Variants in CSMD1 observed in about 807,000 individuals in gnomAD.
The protein encoded by CSMD1 is CUB and Sushi multiple domains 1.
In CSMD1, 213 loss-of-function variants were observed where a neutral mutation model predicts 417.5. That is an observed-to-expected ratio of 0.51 (90% CI 0.46 to 0.57). The LOEUF (loss-of-function observed/expected upper bound fraction) is 0.57. Ranked by LOEUF, CSMD1 falls within the 20% of genes least tolerant of loss-of-function variation. The probability of loss-of-function intolerance (pLI) is 0.00; values close to 1 mark genes in which losing one functional copy is unlikely to be tolerated. For synonymous variants in CSMD1, 2,862 were observed against 1,736.8 expected (o/e 1.65, Z -16.11); for missense variants, 6,923 against 4,529.7 (o/e 1.53, Z -15.17).
At chr8:3,009,799 G>C (rs1024352279) in intron 52 of CSMD1, among the ~76,000 whole-genome samples, 2 of 152,188 alleles carry the variant, frequency 1.3e-5, no homozygotes, top group East Asian at 3.9e-4. Flanking sequence ...TGTGCTGTTT[G>C]TGACAGCATC....
chr8:4,139,350 TG>T (rs1803635846), intron 3 of CSMD1, among the ~76,000 whole-genome samples: 1 of 152,216 alleles, frequency 6.6e-6, no homozygotes, highest in African/African-American at 2.4e-5. Flanking sequence ...GAAAATTTTT[TG>T]ACCAGGTAGA....
intron 3 of CSMD1, among the ~76,000 whole-genome samples, chr8:4,144,742 G>C (rs1158968784): frequency 6.0e-5 from 9 of 151,072 alleles, no homozygotes; most frequent in African/African-American, 1.7e-4. Context: ...CAACTTTCTA[G>C]AGACTTCTCA....
intron 5 of CSMD1, among the ~76,000 whole-genome samples, chr8:3,894,047 A>G (rs1160697187): frequency 6.6e-6 from 1 of 152,078 alleles, no homozygotes; most frequent in Admixed American, 6.6e-5. Flanking sequence ...AGTGCTGGTC[A>G]TTGCTGCCAC....
intron 67 of CSMD1, among the ~76,000 whole-genome samples, chr8:2,949,969 G>A (rs755047799): frequency 2.0e-5 from 3 of 152,172 alleles, no homozygotes; most frequent in Non-Finnish European, 2.9e-5. Context: ...ATAGACCCTG[G>A]ATTTCAGGTC....
intron 5 of CSMD1, among the ~76,000 whole-genome samples, chr8:3,963,138 G>T (rs1009691463): frequency 3.9e-5 from 6 of 152,024 alleles, no homozygotes; most frequent in Non-Finnish European, 8.8e-5. Context: ...TACCATGTTG[G>T]CTAGGCTTGA....
chr8:4,264,604 A>C (rs948397250), intron 3 of CSMD1, among the ~76,000 whole-genome samples: 3 of 152,154 alleles, frequency 2.0e-5, no homozygotes, highest in African/African-American at 7.2e-5. Context: ...GTTCTAGGGT[A>C]GATAGCAGTA....
At chr8:4,066,821 C>G (rs943060185) in intron 3 of CSMD1, among the ~76,000 whole-genome samples, 5 of 152,212 alleles carry the variant, frequency 3.3e-5, no homozygotes, top group African/African-American at 4.8e-5. Context: ...GCGAAAGCGA[C>G]AACACCCACT....
intron 1 of CSMD1, among the ~76,000 whole-genome samples, chr8:4,915,230 A>AT (rs552566525): frequency 0.076 from 11,633 of 152,086 alleles, 521 homozygotes; most frequent in Non-Finnish European, 0.081. Flanking sequence ...CATATATATA[A>AT]AATATGTATA....
At chr8:4,408,731 G>A (rs991865031) in intron 3 of CSMD1, among the ~76,000 whole-genome samples, 1 of 152,114 alleles carries the variant, frequency 6.6e-6, no homozygotes, top group African/African-American at 2.4e-5. Context: ...GAACCTTGTA[G>A]AGGTCAACAG....
At chr8:4,075,264 TATAAA>T (rs1315765558) in intron 3 of CSMD1, among the ~76,000 whole-genome samples, 2 of 152,144 alleles carry the variant, frequency 1.3e-5, no homozygotes, top group Non-Finnish European at 2.9e-5. Context: ...AACAAAGTAT[TATAAA>T]ATAAAGATGA....
chr8:4,042,815 T>TAAAAAAAAAAAAAAAAAAAAAAA lies in CSMD1; in HGVS notation c.416-10739_416-10717dup, dbSNP rs60411612. Among the ~76,000 whole-genome samples the TAAAAAAAAAAAAAAAAAAAAAAA allele has an allele frequency of 3.9e-4, 16 of 41,312 alleles. 4 individuals carry two copies. Among genetic ancestry groups the TAAAAAAAAAAAAAAAAAAAAAAA allele is most frequent in the African/African-American group, 5.8e-4 (6 of 10,346 alleles). 27.1% of individuals were successfully genotyped at this position (41,312 alleles called of 152,430 possible). ...CAATAGGTGAAGTGGTACAACATAT[T>TAAAAAAAAAAAAAAAAAAAAAAA]AAAAAAAAAAAAAAAAAAAAAAAAA... is the stretch of plus-strand genomic sequence containing the variant. On this transcript the variant is annotated intron_variant, in intron 3 of 69. Coordinates refer to ENST00000635120, the MANE Select transcript of CSMD1 (RefSeq NM_033225.6).
At chr8:4,420,979 T>C (rs1483659948) in intron 2 of CSMD1, among the ~76,000 whole-genome samples, 4 of 152,178 alleles carry the variant, frequency 2.6e-5, no homozygotes, top group African/African-American at 4.8e-5. Flanking sequence ...AACTCTCAAA[T>C]TGTATTCATC....
intron 3 of CSMD1, among the ~76,000 whole-genome samples, chr8:4,072,873 A>T (rs1013620112): frequency 6.6e-6 from 1 of 152,170 alleles, no homozygotes; most frequent in Non-Finnish European, 1.5e-5. Context: ...AAATAAACCC[A>T]ACCTCTATGT....
chr8:3,832,489 C>T (rs10111740), intron 5 of CSMD1, among the ~76,000 whole-genome samples: 52,031 of 151,652 alleles, frequency 0.34, 9,115 homozygotes, highest in Non-Finnish European at 0.37. Context: ...AATGTGTATC[C>T]ACATTTATCT....
chr8:3,841,034 T>C (rs1174151173), intron 5 of CSMD1, among the ~76,000 whole-genome samples: 6 of 151,820 alleles, frequency 4.0e-5, no homozygotes, highest in Non-Finnish European at 7.4e-5. Flanking sequence ...GGTACATGAG[T>C]CTTAGGGCAA....
intron 1 of CSMD1, among the ~76,000 whole-genome samples, chr8:4,863,886 A>G (rs1306804885): frequency 6.6e-6 from 1 of 152,060 alleles, no homozygotes; most frequent in African/African-American, 2.4e-5. Flanking sequence ...AAAATTGTAT[A>G]AATTAAATTA....
chr8:4,917,430 C>T (rs976514246), intron 1 of CSMD1, among the ~76,000 whole-genome samples: 3 of 152,076 alleles, frequency 2.0e-5, no homozygotes, highest in Admixed American at 1.3e-4. Flanking sequence ...GTCAGGAGAT[C>T]GAGACCACCC....
chr8:3,262,426 G>C (rs1801147939), intron 26 of CSMD1, among the ~76,000 whole-genome samples: 1 of 150,988 alleles, frequency 6.6e-6, no homozygotes, highest in Non-Finnish European at 1.5e-5. Context: ...TGGGGATAAT[G>C]ACCATTCTCT....
At chr8:3,221,186 A>G (rs939469917) in intron 28 of CSMD1, among the ~76,000 whole-genome samples, 3 of 152,176 alleles carry the variant, frequency 2.0e-5, no homozygotes, top group African/African-American at 7.2e-5. Flanking sequence ...GCATCGGTGC[A>G]ACGCCCAGCC....
Sources: allele counts gnomAD v4.1 joint callset (sites outside exome capture counted in the v4.1 genomes callset), GRCh38; gene constraint gnomAD v4.1.1; transcripts MANE v1.5; gene names NCBI Gene and HGNC (gene_info 2026-07-23, HGNC 2026-07-21).